The following SLC45A4 variants were observed in gnomAD, a reference collection of about 807,000 sequenced individuals.
SLC45A4 encodes polyamine-transporter SLC45A4.
SLC45A4 carries 32 observed loss-of-function variants against 63.7 expected under a neutral mutation model. That is an observed-to-expected ratio of 0.50 (90% CI 0.38 to 0.67). SLC45A4 has a LOEUF of 0.67. Among genes scored for constraint, SLC45A4 ranks in the 30% least tolerant of loss-of-function variants. The pLI, the probability that SLC45A4 is intolerant of heterozygous loss-of-function variation, is 0.00. For missense variants in SLC45A4, 1,027 were observed against 1,157.7 expected, an observed-to-expected ratio of 0.89 and a Z score of 1.64; for synonymous variants, 535 against 510.0, an observed-to-expected ratio of 1.05 and a Z score of -0.66.
Position 141,218,951 on chromosome 8 carries a change from T to G in SLC45A4, c.689A>C (p.Gln230Pro). ...GGCAAAGAAGAAGAGCACCTGGTTC[T>G]GGGTCCGGAACCAGCTGCCCAGGAA... ...QTFLGSWFRT[Q>P]NQVLFFFAAI... The change falls in exon 5 of 9, where the codon CAG (glutamine) becomes CCG (proline). Residue 230 changes from glutamine to proline, a missense_variant. By Grantham distance (76) the Gln-to-Pro change is moderately conservative. Transcript: ENST00000517878. 1 of 1,613,658 alleles carries G rather than the reference T, an allele frequency of 6.2e-7. No individual in the cohort carries two copies. Among genetic ancestry groups the G allele is most frequent in the Non-Finnish European group, 8.5e-7 (1 of 1,179,934 alleles).
In SLC45A4 at chr8:141,229,815, A is replaced by T. The variant is rs1349078468; in HGVS notation, c.242-8050T>A. 1.3e-5 allele frequency among the ~76,000 whole-genome samples: 2 copies of T among 151,336 alleles called. No individual in the cohort carries two copies. The highest frequency in any genetic ancestry group is 4.9e-5 in the African/African-American group (2 of 41,100). On this transcript the variant is annotated intron_variant, in intron 2 of 8. Coordinates refer to ENST00000517878, the MANE Select transcript of SLC45A4 (RefSeq NM_001286646.2). This position sits in a 1 kb window ranked among gnomAD's most constrained non-coding sequence, Gnocchi z 5.0. ...CGGCTCTGAGCTTGCAGCCCACCCC[A>T]CTCTGGCTGCGGGACTTTGGAGCAG...
intron 6 of SLC45A4, among the ~76,000 whole-genome samples, chr8:141,216,447 T>C (rs1006422870): frequency 4.6e-5 from 7 of 152,228 alleles, no homozygotes; most frequent in Non-Finnish European, 1.0e-4. Flanking sequence ...GCACCTCCCC[T>C]GGGAAAGTGC....
At chr8:141,247,421 GAT>G (rs1055132105) in intron 2 of SLC45A4, among the ~76,000 whole-genome samples, 1 of 152,180 alleles carries the variant, frequency 6.6e-6, no homozygotes, top group African/African-American at 2.4e-5. Context: ...GTGTTGAGAA[GAT>G]ATATTATGTT....
chr8:141,222,076 G>C, intron 2 of SLC45A4, among the ~76,000 whole-genome samples: 1 of 141,258 alleles, frequency 7.1e-6, no homozygotes. Flanking sequence ...CACATGGAGG[G>C]CGCCCCGCCC....
chr8:141,230,600 C>T (rs988160043), intron 2 of SLC45A4, among the ~76,000 whole-genome samples: 4 of 152,236 alleles, frequency 2.6e-5, no homozygotes, highest in East Asian at 3.8e-4. Context: ...CCAGGAGCAG[C>T]GCCCAGGCCA....
rs1829815296 is a variant in SLC45A4, at chr8:141,278,482, CA to C, written c.-400-23854del. On this transcript the variant is annotated intron_variant, in intron 1 of 8. Coordinates refer to ENST00000517878, the MANE Select transcript of SLC45A4 (RefSeq NM_001286646.2). The surrounding 1 kb of genome is among the most constrained non-coding windows in gnomAD (Gnocchi z 4.1). The stretch of plus-strand genomic sequence containing the variant: ...ACAACCCACGAGGACACTGGCGGGA[CA>C]GGGGTGAGCACCTGTGGTGGAGGCG... 1.3e-5 allele frequency: 2 copies of C among 149,900 alleles called. No homozygotes were observed. Among genetic ancestry groups the C allele is most frequent in the East Asian group, 1.9e-4 (1 of 5,132 alleles). 9.3% of individuals were successfully genotyped at this position (149,900 alleles called of 1,614,324 possible).
intron 1 of SLC45A4, among the ~76,000 whole-genome samples, chr8:141,270,768 T>G (rs1031350075): frequency 2.6e-5 from 4 of 151,964 alleles, no homozygotes. Context: ...AGCAGTAAAC[T>G]CTACATACCA....
chr8:141,268,492 C>A (rs911097738), intron 1 of SLC45A4, among the ~76,000 whole-genome samples: 1 of 152,172 alleles, frequency 6.6e-6, no homozygotes, highest in Non-Finnish European at 1.5e-5. Context: ...CCACCGTAAT[C>A]AATGTCCCAC....
intron 1 of SLC45A4, among the ~76,000 whole-genome samples, chr8:141,290,204 AT>A (rs953921009): frequency 6.6e-5 from 10 of 152,024 alleles, no homozygotes; most frequent in South Asian, 2.1e-4. Context: ...AAAGGAATCT[AT>A]TTTTTTTAAG....
chr8:141,298,363 C>T (rs1027155487), intron 1 of SLC45A4, among the ~76,000 whole-genome samples: 2 of 152,270 alleles, frequency 1.3e-5, no homozygotes, highest in Non-Finnish European at 2.9e-5. Context: ...GGTTCCCAGG[C>T]CTGCCCCATC....
At chr8:141,298,851 A>AT (rs1201561704) in intron 1 of SLC45A4, among the ~76,000 whole-genome samples, 2 of 151,978 alleles carry the variant, frequency 1.3e-5, no homozygotes, top group African/African-American at 4.8e-5. Flanking sequence ...AATCCAAGGC[A>AT]TGGAGGGCAC....
intron 1 of SLC45A4, among the ~76,000 whole-genome samples, chr8:141,292,258 T>A (rs1023289137): frequency 8.5e-5 from 13 of 152,216 alleles, no homozygotes; most frequent in African/African-American, 2.7e-4. Flanking sequence ...CGCGGCATTC[T>A]GGGCCCGCCA....
chr8:141,238,432 T>C (rs1239837811), intron 2 of SLC45A4, among the ~76,000 whole-genome samples: 1 of 152,148 alleles, frequency 6.6e-6, no homozygotes, highest in African/African-American at 2.4e-5. Flanking sequence ...CGACGCCATC[T>C]TCCCAGACTG....
chr8:141,243,917 G>A (rs1326379254), intron 2 of SLC45A4, among the ~76,000 whole-genome samples: 2 of 152,242 alleles, frequency 1.3e-5, no homozygotes, highest in South Asian at 2.1e-4. Flanking sequence ...TAATATAGAA[G>A]GTATGTGTCA....
chr8:141,246,058 A>G (rs1184627535), intron 2 of SLC45A4, among the ~76,000 whole-genome samples: 1 of 152,208 alleles, frequency 6.6e-6, no homozygotes, highest in African/African-American at 2.4e-5. Context: ...CTATTGCTTG[A>G]TATTTCAAAA....
At chr8:141,228,062 T>C (rs1186419510) in intron 2 of SLC45A4, 3 of 1,281,450 alleles carry the variant, frequency 2.3e-6, no homozygotes, top group Admixed American at 1.8e-5. Context: ...GGCAGAGCCC[T>C]GAGGGGAGAG....
chr8:141,271,846 T>C (rs112588670), intron 1 of SLC45A4, among the ~76,000 whole-genome samples: 1 of 138,032 alleles, frequency 7.2e-6, no homozygotes, highest in Non-Finnish European at 1.6e-5. Context: ...CACACACCTG[T>C]GTACACACAC....
chr8:141,289,774 G>A (rs1006872446), intron 1 of SLC45A4, among the ~76,000 whole-genome samples: 25 of 152,164 alleles, frequency 1.6e-4, no homozygotes, highest in South Asian at 1.5e-3. Context: ...CCCATGGCCC[G>A]GGGTCTTCCA....
chr8:141,268,091 C>T (rs185471647), intron 1 of SLC45A4, among the ~76,000 whole-genome samples: 8 of 152,254 alleles, frequency 5.3e-5, no homozygotes, highest in Middle Eastern at 3.4e-3. Context: ...CTGAATAAAC[C>T]GTGGAACATC....
Sources: allele counts gnomAD v4.1 joint callset (sites outside exome capture counted in the v4.1 genomes callset), GRCh38; gene constraint gnomAD v4.1.1; non-coding constraint Gnocchi (gnomAD v3.1); transcripts MANE v1.5; gene names NCBI Gene and HGNC (gene_info 2026-07-23, HGNC 2026-07-21).